NBAS: variants seen among roughly 807,000 people sequenced by gnomAD.
The protein encoded by NBAS is NAG/BC035112 fusion.
A neutral mutation model predicts 302.5 loss-of-function variants in NBAS; 219 were observed. The ratio of observed to expected loss-of-function variants is 0.72; its 90% CI spans 0.65 to 0.81. NBAS has a LOEUF of 0.81. Among genes scored for constraint, NBAS ranks in the 30% least tolerant of loss-of-function variants. NBAS has a pLI of 0.00. For synonymous variants in NBAS, 1,118 were observed against 1,021.6 expected (o/e 1.09, Z -1.80); for missense variants, 2,932 against 2,841.6 (o/e 1.03, Z -0.72).
chr2:15,515,927 T>C (rs983123608), intron 9 of NBAS, among the ~76,000 whole-genome samples: 1 of 152,182 alleles, frequency 6.6e-6, no homozygotes, highest in Non-Finnish European at 1.5e-5. Context: ...CCCATCTTCT[T>C]ACTGCTTGTC....
At chr2:15,187,839 G>C (rs1324498125) in intron 49 of NBAS, among the ~76,000 whole-genome samples, 2 of 152,190 alleles carry the variant, frequency 1.3e-5, no homozygotes, top group African/African-American at 2.4e-5. Context: ...AATTTCAAGT[G>C]CAACAGTAAC....
At chr2:15,380,224 C>A (rs763937057) in intron 29 of NBAS, among the ~76,000 whole-genome samples, 2 of 152,114 alleles carry the variant, frequency 1.3e-5, no homozygotes, top group Non-Finnish European at 2.9e-5. Flanking sequence ...TTAACCATTT[C>A]TGTTTTTTTC....
chr2:14,955,744 A>T, the NBAS span, among the ~76,000 whole-genome samples: 2 of 152,196 alleles, frequency 1.3e-5, no homozygotes, highest in Non-Finnish European at 2.9e-5. Context: ...GAGCTAAAGT[A>T]GCTGGGACAC....
chr2:14,904,997 C>T, the NBAS span, among the ~76,000 whole-genome samples: 1 of 152,114 alleles, frequency 6.6e-6, no homozygotes, highest in Non-Finnish European at 1.5e-5. Flanking sequence ...TGCAGTGAGC[C>T]GGTCGCACCA....
the NBAS span, among the ~76,000 whole-genome samples, chr2:14,779,965 T>C: frequency 6.6e-6 from 1 of 152,228 alleles, no homozygotes; most frequent in South Asian, 2.1e-4. Flanking sequence ...TTTGTCAATA[T>C]GTCACTGGCT....
chr2:14,877,873 T>G, the NBAS span, among the ~76,000 whole-genome samples: 1 of 152,170 alleles, frequency 6.6e-6, no homozygotes, highest in African/African-American at 2.4e-5. Flanking sequence ...ATATTTCACA[T>G]TTAACCACCA....
intron 44 of NBAS, among the ~76,000 whole-genome samples, chr2:15,270,546 GAAT>G (rs1454105670): frequency 1.3e-5 from 2 of 152,064 alleles, no homozygotes; most frequent in East Asian, 1.9e-4. Context: ...TAATTCTTAA[GAAT>G]ATTAAAGCAT....
At chr2:15,050,562 T>C in the NBAS span, among the ~76,000 whole-genome samples, 1 of 152,268 alleles carries the variant, frequency 6.6e-6, no homozygotes, top group East Asian at 1.9e-4. Context: ...ATGAAAGAAT[T>C]GGGATTGCAA....
At chr2:15,088,631 C>T in the NBAS span, among the ~76,000 whole-genome samples, 2 of 152,176 alleles carry the variant, frequency 1.3e-5, no homozygotes, top group African/African-American at 2.4e-5. Context: ...AGGAAGGGGA[C>T]CCAGCGATTT....
the NBAS span, among the ~76,000 whole-genome samples, chr2:14,846,302 T>C: frequency 2.6e-5 from 4 of 152,128 alleles, no homozygotes; most frequent in East Asian, 1.9e-4. Flanking sequence ...ACCTATTATA[T>C]ACTTTTACAG....
chr2:14,821,741 G>A, the NBAS span, among the ~76,000 whole-genome samples: 4 of 152,030 alleles, frequency 2.6e-5, no homozygotes, highest in East Asian at 1.9e-4. Context: ...GGCTGGGCGC[G>A]ATGGCTTACA....
At chr2:15,356,916 C>T (rs1159623774) in intron 32 of NBAS, among the ~76,000 whole-genome samples, 2 of 152,198 alleles carry the variant, frequency 1.3e-5, no homozygotes, top group African/African-American at 2.4e-5. Context: ...AACAAATTCT[C>T]GTTGGGCTCC....
chr2:14,816,172 A>G, the NBAS span, among the ~76,000 whole-genome samples: 20 of 152,322 alleles, frequency 1.3e-4, no homozygotes, highest in African/African-American at 3.4e-4. Flanking sequence ...GGGATCTCCA[A>G]CTTCCAGGCT....
intron 1 of NBAS, 26 bp downstream of exon 1, chr2:15,561,162 T>G: frequency 6.2e-7 from 1 of 1,603,282 alleles, no homozygotes; most frequent in South Asian, 1.1e-5. Flanking sequence ...CCAAGCTGGC[T>G]GCTGCTGTAG....
chr2:14,942,884 T>C, the NBAS span, among the ~76,000 whole-genome samples: 1 of 152,166 alleles, frequency 6.6e-6, no homozygotes, highest in African/African-American at 2.4e-5. Flanking sequence ...TTCTTTGGAC[T>C]CCAAGCCCCA....
chr2:14,813,844 C>T, the NBAS span, among the ~76,000 whole-genome samples: 1 of 152,156 alleles, frequency 6.6e-6, no homozygotes, highest in Non-Finnish European at 1.5e-5. Context: ...TTTCAGAAAA[C>T]TTCTTGGCAG....
the NBAS span, among the ~76,000 whole-genome samples, chr2:15,030,528 C>T: frequency 6.6e-6 from 1 of 152,154 alleles, no homozygotes. Context: ...CCCAATGCCA[C>T]TGCAAAGAAG....
In NBAS at chr2:15,504,217, CA is replaced by C; in HGVS notation, c.886-5del. On this transcript the variant is annotated splice_region_variant and splice_polypyrimidine_tract_variant and intron_variant, in intron 10 of 51. Coordinates refer to ENST00000281513, the MANE Select transcript of NBAS (RefSeq NM_015909.4). The stretch of plus-strand genomic sequence containing the variant: ...ATAATCCCAGTGTCTTCGGTACCTG[CA>C]AAATAAATGCATCATATGAAGAAAG... 6.2e-7 allele frequency: 1 copy of C among 1,605,074 alleles called. No homozygotes were observed. The highest frequency in any genetic ancestry group is 8.5e-7 in the Non-Finnish European group (1 of 1,172,028).
chr2:15,344,650 T>A (rs921919189), intron 35 of NBAS, among the ~76,000 whole-genome samples: 4 of 152,150 alleles, frequency 2.6e-5, no homozygotes, highest in Admixed American at 6.6e-5. Context: ...GACTCCTCCC[T>A]AACTCATTTT....
Sources: gnomAD v4.1 joint callset for allele counts (sites outside exome capture counted in the v4.1 genomes callset) on GRCh38, gnomAD v4.1.1 for gene constraint, MANE v1.5 for transcripts, NCBI Gene and HGNC (gene_info 2026-07-23, HGNC 2026-07-21) for gene names.